VPS33B: variants seen among roughly 807,000 people sequenced by gnomAD.
The protein encoded by VPS33B is VPS33B late endosome and lysosome associated, also known as vacuolar protein sorting-associated protein 33B.
A neutral mutation model predicts 95.3 loss-of-function variants in VPS33B; 80 were observed. That is an observed-to-expected ratio of 0.84 (90% CI 0.70 to 1.01). VPS33B has a LOEUF of 1.01. Ranked by LOEUF, VPS33B falls within the 50% of genes least tolerant of loss-of-function variation. VPS33B has a pLI of 0.00. For missense variants in VPS33B, 715 were observed against 773.4 expected, an observed-to-expected ratio of 0.92 and a Z score of 0.90; for synonymous variants, 280 against 280.4, an observed-to-expected ratio of 1.00 and a Z score of 0.01.
intron 1 of VPS33B, among the ~76,000 whole-genome samples, chr15:91,021,205 A>G (rs1197926613): frequency 6.6e-6 from 1 of 152,248 alleles, no homozygotes; most frequent in Admixed American, 6.5e-5. Context: ...GAACAAAACA[A>G]ACATGATCCC....
rs566630364 is a variant in VPS33B, at chr15:90,999,766, C to T, written c.1685G>A (p.Ser562Asn). Residue 562 changes from serine to asparagine, a missense_variant, in exon 22 of 23, where the codon AGT becomes AAT. Coordinates refer to ENST00000333371, the MANE Select transcript of VPS33B (RefSeq NM_018668.5). This position sits in a 1 kb window ranked among gnomAD's most constrained non-coding sequence, Gnocchi z 5.1. ...CACCAAGATGAGGCGCAGGGACTCA[C>T]TGGAAGCCTTGTCTTCCTTAGTCAT... ...TDMTKEDKAS[S>N]ESLRLILVVF... The T allele has an allele frequency of 4.0e-5, 64 of 1,614,222 alleles. 1 individual carries two copies. The South Asian group carries it at 4.8e-4, about 12-fold the overall frequency.
intron 3 of VPS33B, among the ~76,000 whole-genome samples, 176 bp downstream of exon 3, chr15:91,016,787 C>G (rs1405656682): frequency 1.3e-5 from 2 of 152,124 alleles, no homozygotes; most frequent in Non-Finnish European, 2.9e-5. Flanking sequence ...GGACAAGAAA[C>G]CACAGAAAGG....
chr15:91,006,214 T>C lies in VPS33B; in HGVS notation c.853-155A>G, dbSNP rs1253220692. Among the ~76,000 whole-genome samples, 4 of 152,224 alleles carry C rather than the reference T, an allele frequency of 2.6e-5. No homozygotes were observed. The highest frequency in any genetic ancestry group is 9.6e-5 in the African/African-American group (4 of 41,462). ...TCCATATCAAATGCCTACACCGTGT[T>C]CTAGGAGATGCTCTGAACTGGTGGG... On this transcript the variant is annotated intron_variant, in intron 11 of 22. Transcript: ENST00000333371. The surrounding 1 kb of genome is among the most constrained non-coding windows in gnomAD (Gnocchi z 5.4).
In VPS33B at chr15:91,000,794, C is replaced by T. The variant is rs754948154; in HGVS notation, c.1480-203G>A. On this transcript the variant is annotated intron_variant, in intron 19 of 22. Coordinates refer to ENST00000333371, the MANE Select transcript of VPS33B (RefSeq NM_018668.5). The surrounding 1 kb of genome is among the most constrained non-coding windows in gnomAD (Gnocchi z 4.9). Reference sequence around the variant, plus strand: ...CAGTTCTCTGGAATGAGTTCCCATGCGCCATTATTGAATAATGTAAAGGGG... The same window carrying T: ...CAGTTCTCTGGAATGAGTTCCCATGTGCCATTATTGAATAATGTAAAGGGG... The T allele has an allele frequency of 1.0e-4, 55 of 545,340 alleles. No individual in the cohort carries two copies. Among genetic ancestry groups the T allele is most frequent in the South Asian group, 9.3e-5 (5 of 53,914 alleles). The allele number at this position is 545,340 out of a possible 1,614,324, so 33.8% of individuals were successfully genotyped here.
rs2040848057 is a variant in VPS33B, at chr15:91,013,877, G to C, written c.290-6C>G. ...TTTGTCAGCATTGACAAGACCTACA[G>C]AGAGAAGGAATGCAGCCCAGCAAGT... is the stretch of plus-strand genomic sequence containing the variant. On this transcript the variant is annotated splice_region_variant and splice_polypyrimidine_tract_variant and intron_variant, in intron 4 of 22. Coordinates refer to ENST00000333371, the MANE Select transcript of VPS33B (RefSeq NM_018668.5). The surrounding 1 kb of genome is among the most constrained non-coding windows in gnomAD (Gnocchi z 4.5). 1.2e-6 allele frequency: 2 copies of C among 1,613,956 alleles called. No homozygotes were observed. The highest frequency in any genetic ancestry group is 1.7e-5 in the Admixed American group (1 of 60,012).
At chr15:91,003,758 G>C (rs1464720994) in intron 16 of VPS33B, among the ~76,000 whole-genome samples, 1 of 152,162 alleles carries the variant, frequency 6.6e-6, no homozygotes, top group Non-Finnish European at 1.5e-5. Flanking sequence ...TTTCTTTCTG[G>C]CTAAGGGGCA....
In VPS33B at chr15:90,999,693, G is replaced by A; in HGVS notation, c.1758C>T (p.Phe586=). The part of the protein sequence containing the change: ...CTFSEISALR[F]LGREKGYRFI... The stretch of plus-strand genomic sequence containing the variant: ...CTCTCTTACCTTTCTCTCTGCCCAG[G>A]AACCGGAGGGCTGAGATCTCAGAGA... The change falls in exon 22 of 23, where the codon TTC becomes TTT. Residue 586 remains phenylalanine, a synonymous_variant. Transcript: ENST00000333371. This position sits in a 1 kb window ranked among gnomAD's most constrained non-coding sequence, Gnocchi z 5.1. 6.2e-7 allele frequency: 1 copy of A among 1,614,020 alleles called. No individual in the cohort carries two copies.
Position 91,017,791 on chromosome 15 carries a change from G to GA in VPS33B, c.177+13dup. On this transcript the variant is annotated intron_variant, in intron 2 of 22. Transcript: ENST00000333371. ...TTAAAGAGGGGCATGGCCCCCAGGGGAAAGGGACAGTACCTTCAGGATGGA... is the reference window on the plus strand; with the variant it reads ...TTAAAGAGGGGCATGGCCCCCAGGGGAAAAGGGACAGTACCTTCAGGATGGA... 6.2e-7 allele frequency: 1 copy of GA among 1,613,674 alleles called. No homozygotes were observed.
At position 91,005,366 on chromosome 15, in the gene VPS33B, G is replaced by T. The variant is rs749918766; in HGVS notation, c.1105+14C>A. ...GAAGCGTGGGCAGTAGCACAGCAAGGCTGCGGCAGTTACCATGCTCAGTCT... is the reference window on the plus strand; with the variant it reads ...GAAGCGTGGGCAGTAGCACAGCAAGTCTGCGGCAGTTACCATGCTCAGTCT... On this transcript the variant is annotated intron_variant, in intron 14 of 22. Coordinates refer to ENST00000333371, the MANE Select transcript of VPS33B (RefSeq NM_018668.5). This position sits in a 1 kb window ranked among gnomAD's most constrained non-coding sequence, Gnocchi z 6.4. 2.5e-6 allele frequency: 4 copies of T among 1,614,010 alleles called. No homozygotes were observed. The Admixed American group carries it at 6.7e-5, about 27-fold the overall frequency.
Position 91,010,007 on chromosome 15 carries a change from T to G in VPS33B, c.358-161A>C, listed in dbSNP as rs935969964. 6.6e-6 allele frequency among the ~76,000 whole-genome samples: 1 copy of G among 152,228 alleles called. No homozygotes were observed. Among genetic ancestry groups the G allele is most frequent in the Admixed American group, 6.5e-5 (1 of 15,274 alleles). On this transcript the variant is annotated intron_variant, in intron 5 of 22. Coordinates refer to ENST00000333371, the MANE Select transcript of VPS33B (RefSeq NM_018668.5). The surrounding 1 kb of genome is among the most constrained non-coding windows in gnomAD (Gnocchi z 5.7). ...GATCTAGAAAGAACCATTAGAATCA[T>G]TCAGCCCAGCACTTCAGTTCTTTCT...
At chr15:91,003,660 C>A (rs1202330266) in intron 16 of VPS33B, among the ~76,000 whole-genome samples, 3 of 152,014 alleles carry the variant, frequency 2.0e-5, no homozygotes, top group Non-Finnish European at 2.9e-5. Context: ...GGCTGGTCTC[C>A]AACTCCTGAT....
rs2040641293 is a variant in VPS33B, at chr15:91,007,379, C to G, written c.603+90G>C. The stretch of plus-strand genomic sequence containing the variant: ...TGAAAGCAAAGTAAAGAATACACCT[C>G]ATATCACAGGTGCCCTTGGATAACC... On this transcript the variant is annotated intron_variant, in intron 8 of 22. Transcript: ENST00000333371. The surrounding 1 kb of genome is among the most constrained non-coding windows in gnomAD (Gnocchi z 5.3). The G allele has an allele frequency of 8.3e-7, 1 of 1,209,552 alleles. No individual in the cohort carries two copies. Among genetic ancestry groups the G allele is most frequent in the South Asian group, 1.2e-5 (1 of 82,740 alleles). The allele number at this position is 1,209,552 out of a possible 1,614,324, so 74.9% of individuals were successfully genotyped here. A position where few individuals can be genotyped will look rare whatever the true frequency, so the allele number is the denominator to read the frequency against.
chr15:91,004,729 T>C lies in VPS33B; in HGVS notation c.1225+148A>G, dbSNP rs2040548443. The C allele has an allele frequency of 3.9e-6, 4 of 1,023,804 alleles. No individual in the cohort carries two copies. In the South Asian group the frequency reaches 4.1e-5, roughly 10 times the overall value. The allele number at this position is 1,023,804 out of a possible 1,614,324, so 63.4% of individuals were successfully genotyped here. On this transcript the variant is annotated intron_variant, in intron 16 of 22. Transcript: ENST00000333371. ...AAATTACCCTGTGTCCTGGTGATAA[T>C]TCACCCCAAACAAAAAAGAATCCAT...
chr15:90,999,140 C>T lies in VPS33B; in HGVS notation c.1775-86G>A, dbSNP rs1185491206. 1.6e-6 allele frequency: 2 copies of T among 1,250,766 alleles called. No homozygotes were observed. Among genetic ancestry groups the T allele is most frequent in the Non-Finnish European group, 2.3e-6 (2 of 862,842 alleles). The allele number at this position is 1,250,766 out of a possible 1,614,324, so 77.5% of individuals were successfully genotyped here. A position where few individuals can be genotyped will look rare whatever the true frequency, so the allele number is the denominator to read the frequency against. ...CATAGAGCCTCTCCAGTTCCACAGT[C>T]CCCACGGGATCACAGCACCAGTTTA... On this transcript the variant is annotated intron_variant, in intron 22 of 22. Coordinates refer to ENST00000333371, the MANE Select transcript of VPS33B (RefSeq NM_018668.5). The surrounding 1 kb of genome is among the most constrained non-coding windows in gnomAD (Gnocchi z 5.1).
rs2040343424 is a variant in VPS33B at position 90,998,715 on chromosome 15, C to T, written c.*260G>A. The stretch of plus-strand genomic sequence containing the variant: ...GGCTTTATTTACAATGACATTCAAA[C>T]AGGATTTAGCAAAGGATGCCTCTTC... On this transcript the variant is annotated 3_prime_UTR_variant, in exon 23 of 23. Coordinates refer to ENST00000333371, the MANE Select transcript of VPS33B (RefSeq NM_018668.5). This position sits in a 1 kb window ranked among gnomAD's most constrained non-coding sequence, Gnocchi z 4.8. 1 of 551,462 alleles carries T rather than the reference C, an allele frequency of 1.8e-6. No homozygotes were observed. 34.2% of individuals were successfully genotyped at this position (551,462 alleles called of 1,614,324 possible). A position where few individuals can be genotyped will look rare whatever the true frequency, so the allele number is the denominator to read the frequency against.
In VPS33B at chr15:91,006,188, G is replaced by A; in HGVS notation, c.853-129C>T. ...AAGAAAGCTGAGCTGGGATCTGTAA[G>A]TCCATATCAAATGCCTACACCGTGT... On this transcript the variant is annotated intron_variant, in intron 11 of 22. Transcript: ENST00000333371. This position sits in a 1 kb window ranked among gnomAD's most constrained non-coding sequence, Gnocchi z 5.4. 1 of 1,339,114 alleles carries A rather than the reference G, an allele frequency of 7.5e-7. No individual in the cohort carries two copies. Among genetic ancestry groups the A allele is most frequent in the Non-Finnish European group, 1.1e-6 (1 of 944,100 alleles). 83.0% of individuals were successfully genotyped at this position (1,339,114 alleles called of 1,614,324 possible). A position where few individuals can be genotyped will look rare whatever the true frequency, so the allele number is the denominator to read the frequency against.
In VPS33B at chr15:91,005,364, A is replaced by G. The variant is rs780690795; in HGVS notation, c.1105+16T>C. On this transcript the variant is annotated intron_variant, in intron 14 of 22. Transcript: ENST00000333371. The surrounding 1 kb of genome is among the most constrained non-coding windows in gnomAD (Gnocchi z 6.4). ...TAGAAGCGTGGGCAGTAGCACAGCA[A>G]GGCTGCGGCAGTTACCATGCTCAGT... 2 of 1,614,164 alleles carry G rather than the reference A, an allele frequency of 1.2e-6. No homozygotes were observed. The highest frequency in any genetic ancestry group is 1.7e-6 in the Non-Finnish European group (2 of 1,180,032).
chr15:91,005,211 C>T lies in VPS33B; in HGVS notation c.1106-92G>A. 6.2e-7 allele frequency: 1 copy of T among 1,612,528 alleles called. No homozygotes were observed. Among genetic ancestry groups the T allele is most frequent in the South Asian group, 1.1e-5 (1 of 90,874 alleles). ...GTGTCTGTCTCCCCATCTCTTTCTC[C>T]ATCCTTGGGGTGGGTTAAGGGACCC... On this transcript the variant is annotated intron_variant, in intron 14 of 22. Coordinates refer to ENST00000333371, the MANE Select transcript of VPS33B (RefSeq NM_018668.5). The surrounding 1 kb of genome is among the most constrained non-coding windows in gnomAD (Gnocchi z 6.4).
rs1314793848 is a variant in VPS33B, at chr15:91,000,716, G to C, written c.1480-125C>G. On this transcript the variant is annotated intron_variant, in intron 19 of 22. Coordinates refer to ENST00000333371, the MANE Select transcript of VPS33B (RefSeq NM_018668.5). The surrounding 1 kb of genome is among the most constrained non-coding windows in gnomAD (Gnocchi z 4.9). Reference sequence around the variant, plus strand: ...TCAACTAAAGGGAGAACCAGCAATAGCCCTGAAAAGAGAATCCATAACGGA... The same window carrying C: ...TCAACTAAAGGGAGAACCAGCAATACCCCTGAAAAGAGAATCCATAACGGA... The C allele has an allele frequency of 1.2e-6, 1 of 811,944 alleles. No homozygotes were observed. The highest frequency in any genetic ancestry group is 2.0e-6 in the Non-Finnish European group (1 of 498,058). 50.3% of individuals were successfully genotyped at this position (811,944 alleles called of 1,614,324 possible).
Sources: allele counts gnomAD v4.1 joint callset (sites outside exome capture counted in the v4.1 genomes callset), GRCh38; gene constraint gnomAD v4.1.1; non-coding constraint Gnocchi (gnomAD v3.1); transcripts MANE v1.5; gene names NCBI Gene and HGNC (gene_info 2026-07-23, HGNC 2026-07-21).